The following SPATA19 variants were observed in gnomAD, a reference collection of about 807,000 sequenced individuals.
SPATA19 encodes spermatogenesis-associated protein 19, mitochondrial.
A neutral mutation model predicts 25.0 loss-of-function variants in SPATA19; 19 were observed. The ratio of observed to expected loss-of-function variants is 0.76; its 90% CI spans 0.53 to 1.11. SPATA19 has a LOEUF of 1.11. Among genes scored for constraint, SPATA19 ranks in the 50% most tolerant of loss-of-function variants. The pLI, the probability that SPATA19 is intolerant of heterozygous loss-of-function variation, is 0.00. For synonymous variants in SPATA19, 64 were observed against 69.3 expected, an observed-to-expected ratio of 0.92 and a Z score of 0.38; for missense variants, 222 against 211.4, an observed-to-expected ratio of 1.05 and a Z score of -0.31.
downstream of SPATA19, among the ~76,000 whole-genome samples, chr11:133,836,102 C>T (rs1026834895): frequency 2.6e-5 from 4 of 152,196 alleles, no homozygotes; most frequent in African/African-American, 9.7e-5. Context: ...ATGGCCCAAC[C>T]GGCCTCTTGA....
downstream of SPATA19, among the ~76,000 whole-genome samples, chr11:133,838,328 G>A (rs1186980212): frequency 1.3e-5 from 2 of 152,146 alleles, no homozygotes; most frequent in Non-Finnish European, 2.9e-5. Flanking sequence ...CACTATATAG[G>A]AATAAAGAAT....
downstream of SPATA19, among the ~76,000 whole-genome samples, chr11:133,839,519 C>T (rs999372785): frequency 9.7e-5 from 11 of 113,988 alleles, no homozygotes; most frequent in South Asian, 3.1e-4. Context: ...CATCACAATC[C>T]GGGGCCTGTT....
downstream of SPATA19, among the ~76,000 whole-genome samples, chr11:133,839,362 T>C (rs766755740): frequency 2.0e-5 from 3 of 152,154 alleles, no homozygotes; most frequent in Non-Finnish European, 4.4e-5. Flanking sequence ...TAAAAAATGA[T>C]GAGTTAATGT....
chr11:133,845,227 C>T lies in SPATA19; in HGVS notation c.79-37G>A, dbSNP rs140134161. 7.8e-5 allele frequency: 126 copies of T among 1,610,474 alleles called. No homozygotes were observed. The African/African-American group carries it at 1.3e-3, about 17-fold the overall frequency. The stretch of plus-strand genomic sequence containing the variant: ...TGGCAAGTTGGTGACCTCAGAAAAC[C>T]TAGAAATTCAGCTCTTCCCACCCAG... On this transcript the variant is annotated intron_variant, in intron 1 of 6. Transcript: ENST00000299140.
chr11:133,845,068 C>T, intron 2 of SPATA19, 66 bp downstream of exon 2: 1 of 1,378,768 alleles, frequency 7.3e-7, no homozygotes, highest in Non-Finnish European at 1.0e-6. Context: ...GTCCAGATCC[C>T]CACACCCACT....
At chr11:133,838,550 C>A (rs1006240048), downstream of SPATA19, among the ~76,000 whole-genome samples, 2 of 152,206 alleles carry the variant, frequency 1.3e-5, no homozygotes, top group Admixed American at 1.3e-4. Flanking sequence ...TAAAGACTTA[C>A]ATGTTAGATC....
chr11:133,841,384 T>C (rs1938305060), intron 6 of SPATA19, among the ~76,000 whole-genome samples: 1 of 152,208 alleles, frequency 6.6e-6, no homozygotes, highest in African/African-American at 2.4e-5. Flanking sequence ...ACAGCCTTCC[T>C]GTAAGCATGC....
At chr11:133,840,250 T>A (rs1938278026), downstream of SPATA19, among the ~76,000 whole-genome samples, 1 of 152,026 alleles carries the variant, frequency 6.6e-6, no homozygotes, top group African/African-American at 2.4e-5. Flanking sequence ...CCATCAAAAA[T>A]TGAAGGAAAT....
At chr11:133,844,216 C>A (rs750023547) in intron 4 of SPATA19, 30 bp downstream of exon 4, 2 of 1,592,862 alleles carry the variant, frequency 1.3e-6, no homozygotes, top group South Asian at 2.2e-5. Flanking sequence ...CCCTCCCCTT[C>A]CTTCGCCCAG....
intron 4 of SPATA19, among the ~76,000 whole-genome samples, chr11:133,843,273 A>T (rs992631307): frequency 1.3e-5 from 2 of 152,202 alleles, no homozygotes; most frequent in African/African-American, 4.8e-5. Context: ...CAAGGAGCAC[A>T]ATGTCCGCAA....
At chr11:133,839,796 A>G (rs1178574874), downstream of SPATA19, among the ~76,000 whole-genome samples, 2 of 152,142 alleles carry the variant, frequency 1.3e-5, no homozygotes, top group African/African-American at 2.4e-5. Flanking sequence ...CTGTGGGACA[A>G]TCTCAAAAGG....
intron 5 of SPATA19, among the ~76,000 whole-genome samples, 168 bp downstream of exon 5, chr11:133,842,317 A>T (rs1347843424): frequency 6.6e-6 from 1 of 152,228 alleles, no homozygotes. Context: ...AAGCCCTGTC[A>T]TGTGGAGCAC....
downstream of SPATA19, among the ~76,000 whole-genome samples, chr11:133,836,284 C>T (rs80035044): frequency 0.051 from 7,710 of 152,236 alleles, 411 homozygotes; most frequent in Admixed American, 0.16. Context: ...TCATCCTCTA[C>T]TCCCTCGCCC....
chr11:133,840,012 C>A (rs1043093480), downstream of SPATA19, among the ~76,000 whole-genome samples: 3 of 152,074 alleles, frequency 2.0e-5, no homozygotes, highest in African/African-American at 7.2e-5. Context: ...CTAGTCATAT[C>A]ACATTCAAAC....
intron 2 of SPATA19, 63 bp from the exon 3 acceptor site, chr11:133,844,703 C>T: frequency 2.6e-6 from 4 of 1,521,660 alleles, no homozygotes; most frequent in Admixed American, 2.1e-5. Flanking sequence ...TCTTCTTCTC[C>T]TCTTCCTTTC....
chr11:133,839,798 C>A (rs942432931), downstream of SPATA19, among the ~76,000 whole-genome samples: 3 of 151,850 alleles, frequency 2.0e-5, no homozygotes, highest in Non-Finnish European at 4.4e-5. Context: ...GTGGGACAAT[C>A]TCAAAAGGTG....
chr11:133,841,218 C>T (rs1009799532), intron 6 of SPATA19, among the ~76,000 whole-genome samples: 3 of 152,192 alleles, frequency 2.0e-5, no homozygotes, highest in Admixed American at 6.5e-5. Context: ...CCAGCATCTG[C>T]TCCCGGGCTT....
intron 4 of SPATA19, 89 bp downstream of exon 4, chr11:133,844,157 T>A: frequency 9.2e-7 from 1 of 1,085,492 alleles, no homozygotes; most frequent in Non-Finnish European, 1.4e-6. Context: ...ACGACATCTC[T>A]AGAGAAGAGC....
intron 6 of SPATA19, among the ~76,000 whole-genome samples, chr11:133,841,537 C>G (rs896235099): frequency 1.3e-5 from 2 of 152,080 alleles, no homozygotes; most frequent in African/African-American, 4.8e-5. Context: ...GCCTCATAAA[C>G]AGCCCCCGTG....
Sources: allele counts gnomAD v4.1 joint callset (sites outside exome capture counted in the v4.1 genomes callset), GRCh38; gene constraint gnomAD v4.1.1; transcripts MANE v1.5; gene names NCBI Gene and HGNC (gene_info 2026-07-23, HGNC 2026-07-21).